The following TCTN3 variants were observed in gnomAD, a reference collection of about 807,000 sequenced individuals.
TCTN3 encodes tectonic-3.
TCTN3 carries 57 observed loss-of-function variants against 71.3 expected under a neutral mutation model. The ratio of observed to expected loss-of-function variants is 0.80; its 90% CI spans 0.65 to 1.00. The LOEUF is 1.00. Ranked by LOEUF, TCTN3 falls within the 50% of genes least tolerant of loss-of-function variation. The pLI, the probability that TCTN3 is intolerant of heterozygous loss-of-function variation, is 0.00. For missense variants in TCTN3, 696 were observed against 719.9 expected, an observed-to-expected ratio of 0.97 and a Z score of 0.38; for synonymous variants, 258 against 267.8, an observed-to-expected ratio of 0.96 and a Z score of 0.36.
Position 95,680,525 on chromosome 10 carries a change from G to C in TCTN3, c.1537C>G (p.Pro513Ala). ...LWAYVGLLSN[P>A]QAHVSGVRFL... ...CGAACTCCTGATACATGAGCTTGCG[G>C]GTTGGACAGGAGACCTACATATGCC... Residue 513 changes from proline (P) to alanine (A), a missense_variant, in exon 13 of 14, where the codon CCG becomes GCG. Transcript: ENST00000371217. 6.2e-7 allele frequency: 1 copy of C among 1,614,152 alleles called. No homozygotes were observed. The highest frequency in any genetic ancestry group is 1.1e-5 in the South Asian group (1 of 91,086).
At chr10:95,677,807 C>T (rs1319645971) in intron 13 of TCTN3, among the ~76,000 whole-genome samples, 2 of 152,046 alleles carry the variant, frequency 1.3e-5, no homozygotes, top group African/African-American at 2.4e-5. Flanking sequence ...AAGTGGATAT[C>T]ACCATTCAGC....
chr10:95,691,356 G>A (rs1037781495), intron 3 of TCTN3, among the ~76,000 whole-genome samples: 1 of 152,070 alleles, frequency 6.6e-6, no homozygotes, highest in African/African-American at 2.4e-5. Flanking sequence ...GTTTCACCAT[G>A]TTGGTTAGGC....
rs182108866 is a variant in TCTN3 at position 95,678,316 on chromosome 10, G to A, written c.1590+2156C>T. Among the ~76,000 whole-genome samples, 840 of 152,184 alleles carry A rather than the reference G, an allele frequency of 5.5e-3. 4 individuals are homozygous for A. Among genetic ancestry groups the A allele is most frequent in the Non-Finnish European group, 0.011 (717 of 68,016 alleles). ...GGAGGTTGAGGCGGGTGGATCACCT[G>A]AGGTCAGGAGTTCGAGACTAGCCTG... On this transcript the variant is annotated intron_variant, in intron 13 of 13. Coordinates refer to ENST00000371217, the MANE Select transcript of TCTN3 (RefSeq NM_015631.6).
Position 95,687,039 on chromosome 10 carries a change from C to T in TCTN3, c.852+5G>A, listed in dbSNP as rs1343952997. 3 of 1,607,136 alleles carry T rather than the reference C, an allele frequency of 1.9e-6. No homozygotes were observed. The highest frequency in any genetic ancestry group is 1.7e-6 in the Non-Finnish European group (2 of 1,173,784). ...TGACAGTGTAGGGAGAGAAAGGACA[C>T]CTACCTTTAAGACTGTGAAGTTATA... is the stretch of plus-strand genomic sequence containing the variant. On this transcript the variant is annotated splice_donor_5th_base_variant and intron_variant, in intron 6 of 13. Coordinates refer to ENST00000371217, the MANE Select transcript of TCTN3 (RefSeq NM_015631.6).
Position 95,664,106 on chromosome 10 carries a change from G to C in TCTN3, c.1785C>G (p.Cys595Trp). 2 of 1,614,068 alleles carry C rather than the reference G, an allele frequency of 1.2e-6. No individual in the cohort carries two copies. ...GGTTGAGAACTCCAAGTAGTAAGAG[G>C]CACAGGATAAGGATGGGAGAGACTG... The part of the protein sequence containing the change: ...KCSVSPILIL[C>W]LLLLGVLNLE... Residue 595 changes from cysteine to tryptophan, a missense_variant, in exon 14 of 14, where the codon TGC becomes TGG. Coordinates refer to ENST00000371217, the MANE Select transcript of TCTN3 (RefSeq NM_015631.6).
rs896681235 is a variant in TCTN3, at chr10:95,663,431, T to C, written c.*636A>G. Reference sequence around the variant, plus strand: ...ACAACAAAGCTCTCAACCAGTTTTATTTTTCCTCACAATGAACGGAAGAAA... The same window carrying C: ...ACAACAAAGCTCTCAACCAGTTTTACTTTTCCTCACAATGAACGGAAGAAA... On this transcript the variant is annotated 3_prime_UTR_variant, in exon 14 of 14. Transcript: ENST00000371217. 4.6e-5 allele frequency: 7 copies of C among 152,640 alleles called. No individual in the cohort carries two copies. The highest frequency in any genetic ancestry group is 1.7e-4 in the African/African-American group (7 of 41,450). 9.5% of individuals were successfully genotyped at this position (152,640 alleles called of 1,614,324 possible).
chr10:95,670,123 C>T lies in TCTN3; in HGVS notation c.1591-5823G>A, dbSNP rs144840968. 7.5e-3 allele frequency among the ~76,000 whole-genome samples: 1,115 copies of T among 148,372 alleles called. 17 individuals carry two copies. The highest frequency in any genetic ancestry group is 8.3e-3 in the Non-Finnish European group (558 of 67,106). ...CAGATCTATTTGACCCTTTTTCCTTCCCATCACATGGTAATTAGGATCTTA... is the reference window on the plus strand; with the variant it reads ...CAGATCTATTTGACCCTTTTTCCTTTCCATCACATGGTAATTAGGATCTTA... On this transcript the variant is annotated intron_variant, in intron 13 of 13. Transcript: ENST00000371217.
rs41291570 is a variant in TCTN3 at position 95,693,676 on chromosome 10, G to A, written c.224C>T (p.Ala75Val). 6.3e-3 allele frequency: 9,723 copies of A among 1,551,710 alleles called. 63 individuals carry two copies. Among genetic ancestry groups the A allele is most frequent in the South Asian group, 0.015 (1,259 of 84,062 alleles). Reference protein sequence around the residue: ...TVVPTLVTPSAPGNRTVDLFP... With the variant: ...TVVPTLVTPSVPGNRTVDLFP... ...GAGGTCCACAGTCCTATTCCCAGGG[G>A]CCGAGGGAGTCACGAGAGTAGGGAC... The change falls in exon 1 of 14, where the codon GCC becomes GTC. Residue 75 changes from alanine to valine, a missense_variant. Ala to Val is a moderately conservative substitution (Grantham distance 64). Coordinates refer to ENST00000371217, the MANE Select transcript of TCTN3 (RefSeq NM_015631.6).
chr10:95,687,746 G>T (rs187433193), intron 3 of TCTN3, 27 bp from the exon 4 acceptor site: 3 of 1,592,548 alleles, frequency 1.9e-6, no homozygotes, highest in Non-Finnish European at 2.6e-6. Flanking sequence ...AAGAAAAAGC[G>T]TTTAGATAAA....
chr10:95,691,121 T>C (rs2097953126), intron 3 of TCTN3, among the ~76,000 whole-genome samples: 1 of 152,138 alleles, frequency 6.6e-6, no homozygotes, highest in South Asian at 2.1e-4. Context: ...CCCTGGAGCA[T>C]GATCATAAGG....
At chr10:95,666,638 A>ATGC (rs1374063161) in intron 13 of TCTN3, among the ~76,000 whole-genome samples, 3 of 152,148 alleles carry the variant, frequency 2.0e-5, no homozygotes, top group African/African-American at 7.2e-5. Context: ...GGTGACCTAT[A>ATGC]CTGGCTGAAA....
chr10:95,689,260 C>T (rs987856066), intron 3 of TCTN3, among the ~76,000 whole-genome samples: 17 of 152,176 alleles, frequency 1.1e-4, no homozygotes, highest in Admixed American at 2.0e-4. Flanking sequence ...CAGGCCACTC[C>T]GCAGACCTCA....
At chr10:95,685,711 C>A in intron 7 of TCTN3, 75 bp from the exon 8 acceptor site, 1 of 1,183,718 alleles carries the variant, frequency 8.4e-7, no homozygotes. Context: ...AGATATCATG[C>A]TAAGATGAGT....
At chr10:95,665,694 T>C (rs190374096) in intron 13 of TCTN3, among the ~76,000 whole-genome samples, 1 of 152,312 alleles carries the variant, frequency 6.6e-6, no homozygotes, top group Non-Finnish European at 1.5e-5. Flanking sequence ...GAGGGCTTAT[T>C]TGAAACTGCC....
intron 10 of TCTN3, 50 bp downstream of exon 10, chr10:95,683,472 C>A: frequency 6.2e-7 from 1 of 1,613,894 alleles, no homozygotes; most frequent in Non-Finnish European, 8.5e-7. Flanking sequence ...AAAGCCTTTG[C>A]AGCTTTTCTC....
Position 95,683,562 on chromosome 10 carries a change from C to T in TCTN3, c.1163G>A (p.Gly388Glu). The change falls in exon 10 of 14, where the codon GGG (glycine) becomes GAG (glutamate). Residue 388 changes from glycine (G) to glutamate (E), a missense_variant. Transcript: ENST00000371217. ...ATCAGTCAGAGCCAAGAGTGGCTTC[C>T]CAACTATATAGCCAGGATTCCCACT... ...PRSGNPGYIV[G>E]KPLLALTDDI... The T allele has an allele frequency of 6.2e-7, 1 of 1,614,110 alleles. No homozygotes were observed. The highest frequency in any genetic ancestry group is 1.1e-5 in the South Asian group (1 of 91,088).
At chr10:95,682,144 A>G (rs946820176) in intron 12 of TCTN3, among the ~76,000 whole-genome samples, 6 of 151,086 alleles carry the variant, frequency 4.0e-5, no homozygotes, top group African/African-American at 1.5e-4. Flanking sequence ...GCAATGAGCC[A>G]TGATTGTGCC....
At position 95,664,283 on chromosome 10, in the gene TCTN3, T is replaced by C; in HGVS notation, c.1608A>G (p.Thr536=). The part of the protein sequence containing the change: ...CQSIQDSQQV[T]EVSLTTLVNF... ...TCACAAGAGTTGTCAAAGATACTTC[T>C]GTAACTTGCTGAGAATCCTACGGGA... is the stretch of plus-strand genomic sequence containing the variant. The change falls in exon 14 of 14, where the codon ACA becomes ACG. Residue 536 remains threonine, a synonymous_variant. Coordinates refer to ENST00000371217, the MANE Select transcript of TCTN3 (RefSeq NM_015631.6). 18 of 1,613,976 alleles carry C rather than the reference T, an allele frequency of 1.1e-5. No individual in the cohort carries two copies. The highest frequency in any genetic ancestry group is 1.5e-5 in the Non-Finnish European group (18 of 1,179,822).
intron 12 of TCTN3, among the ~76,000 whole-genome samples, chr10:95,680,841 C>T (rs554699092): frequency 4.0e-5 from 6 of 149,274 alleles, no homozygotes; most frequent in Non-Finnish European, 5.9e-5. Flanking sequence ...TGCAGGGGCA[C>T]GATCTCGGCT....
Sources: gnomAD v4.1 joint callset for allele counts (sites outside exome capture counted in the v4.1 genomes callset) on GRCh38, gnomAD v4.1.1 for gene constraint, MANE v1.5 for transcripts, NCBI Gene and HGNC (gene_info 2026-07-23, HGNC 2026-07-21) for gene names.